The following AUTS2 variants were observed in gnomAD, a reference collection of about 807,000 sequenced individuals.
AUTS2 encodes autism susceptibility gene 2 protein.
Under a neutral mutation model 112.4 loss-of-function variants are expected in AUTS2, and 17 were observed. That is an observed-to-expected ratio of 0.15 (90% CI 0.10 to 0.23). The LOEUF is 0.23. AUTS2 is among the 10% of genes least tolerant of loss of function. The probability of loss-of-function intolerance (pLI) is 1.00; values close to 1 mark genes in which losing one functional copy is unlikely to be tolerated. For missense variants in AUTS2, 1,510 were observed against 1,701.6 expected (o/e 0.89, Z 1.98); for synonymous variants, 751 against 702.7 (o/e 1.07, Z -1.09).
chr7:70,586,117 C>T (rs1802677121), intron 5 of AUTS2, among the ~76,000 whole-genome samples: 1 of 152,152 alleles, frequency 6.6e-6, no homozygotes, highest in African/African-American at 2.4e-5. Context: ...CCTGCCTCAG[C>T]CTCCCAAAGT....
intron 2 of AUTS2, among the ~76,000 whole-genome samples, chr7:69,938,776 A>G (rs573403059): frequency 1.3e-5 from 2 of 152,326 alleles, no homozygotes; most frequent in African/African-American, 4.8e-5. Context: ...AAAAGAACGT[A>G]GGCTAAGAAA....
intron 4 of AUTS2, among the ~76,000 whole-genome samples, chr7:70,407,999 G>A (rs553316265): frequency 1.7e-4 from 26 of 151,154 alleles, no homozygotes; most frequent in East Asian, 3.9e-4. Context: ...GCTTGCAGTG[G>A]GCCGAGATCG....
At chr7:69,628,059 A>T (rs887427007) in intron 1 of AUTS2, among the ~76,000 whole-genome samples, 9 of 152,210 alleles carry the variant, frequency 5.9e-5, no homozygotes, top group African/African-American at 1.4e-4. Context: ...CCTAATTTAT[A>T]ATGCCTGCAG....
At chr7:69,696,011 G>T (rs752804378) in intron 1 of AUTS2, among the ~76,000 whole-genome samples, 4 of 152,132 alleles carry the variant, frequency 2.6e-5, no homozygotes, top group Non-Finnish European at 5.9e-5. Flanking sequence ...AACGTATTAT[G>T]ATCAGTTTTA....
intron 2 of AUTS2, among the ~76,000 whole-genome samples, chr7:70,064,550 A>G (rs1355677615): frequency 6.6e-6 from 1 of 152,188 alleles, no homozygotes; most frequent in Non-Finnish European, 1.5e-5. Flanking sequence ...CTGAGGGCCA[A>G]GGTCTAGGTT....
intron 2 of AUTS2, among the ~76,000 whole-genome samples, chr7:70,047,323 C>T (rs1801550001): frequency 6.6e-6 from 1 of 152,140 alleles, no homozygotes; most frequent in Non-Finnish European, 1.5e-5. Flanking sequence ...GTATTCCAGG[C>T]AGAATGCTAA....
At chr7:69,847,491 G>T (rs1407644171) in intron 1 of AUTS2, among the ~76,000 whole-genome samples, 1 of 152,144 alleles carries the variant, frequency 6.6e-6, no homozygotes, top group African/African-American at 2.4e-5. Context: ...CTTTAAAACA[G>T]GATTCATCTC....
chr7:70,516,867 AT>A (rs1208102331), intron 5 of AUTS2, among the ~76,000 whole-genome samples: 2 of 152,176 alleles, frequency 1.3e-5, no homozygotes, highest in South Asian at 2.1e-4. Context: ...GCAACTTCAT[AT>A]GGTTCAACCC....
chr7:69,789,111 G>A (rs1789503836), intron 1 of AUTS2, among the ~76,000 whole-genome samples: 1 of 152,142 alleles, frequency 6.6e-6, no homozygotes, highest in South Asian at 2.1e-4. Flanking sequence ...CCTAGTGTGG[G>A]TGACTTTTTG....
chr7:69,868,608 G>A (rs949046351), intron 1 of AUTS2, among the ~76,000 whole-genome samples: 10 of 152,122 alleles, frequency 6.6e-5, no homozygotes, highest in African/African-American at 2.4e-4. Context: ...AAATGATTCT[G>A]CAATATTTGT....
intron 4 of AUTS2, among the ~76,000 whole-genome samples, chr7:70,319,856 G>A (rs1554365872): frequency 1.3e-5 from 2 of 152,050 alleles, no homozygotes; most frequent in Non-Finnish European, 2.9e-5. Context: ...TTACCCTTAT[G>A]AAGCTTACAT....
chr7:69,870,448 AATATAT>A (rs11467258), intron 1 of AUTS2, among the ~76,000 whole-genome samples: 9 of 78,964 alleles, frequency 1.1e-4, no homozygotes, highest in African/African-American at 2.2e-4. Flanking sequence ...ATGTGTGTGT[AATATAT>A]ATATATATAT....
In AUTS2 at chr7:70,792,622, T is replaced by C. The variant is rs1351571981; in HGVS notation, c.*1626T>C. On this transcript the variant is annotated 3_prime_UTR_variant, in exon 19 of 19. Transcript: ENST00000342771. ...CTCCAGATGTTGTGCGGTGTTTTTTTTTTTTTTTAAGACAACAACTAAAAA... is the reference window on the plus strand; with the variant it reads ...CTCCAGATGTTGTGCGGTGTTTTTTCTTTTTTTTAAGACAACAACTAAAAA... The C allele has an allele frequency of 8.1e-6, 1 of 124,116 alleles. No individual in the cohort carries two copies. The highest frequency in any genetic ancestry group is 2.9e-5 in the African/African-American group (1 of 34,210). 7.7% of individuals were successfully genotyped at this position (124,116 alleles called of 1,614,324 possible).
intron 4 of AUTS2, among the ~76,000 whole-genome samples, chr7:70,227,991 C>G (rs1006440418): frequency 6.6e-6 from 1 of 151,712 alleles, no homozygotes; most frequent in Non-Finnish European, 1.5e-5. Flanking sequence ...ATCTAGGTGT[C>G]CTGTTTATTA....
chr7:70,421,655 C>T (rs1031216983), intron 4 of AUTS2, among the ~76,000 whole-genome samples: 2 of 152,190 alleles, frequency 1.3e-5, no homozygotes, highest in African/African-American at 2.4e-5. Flanking sequence ...AGGAGTCACT[C>T]GGGGAGACTG....
intron 5 of AUTS2, among the ~76,000 whole-genome samples, chr7:70,613,619 C>T (rs181906391): frequency 6.6e-6 from 1 of 152,110 alleles, no homozygotes; most frequent in East Asian, 1.9e-4. Flanking sequence ...CAGGGATGGA[C>T]AGAAGAAGGA....
chr7:70,106,943 T>C (rs1422199789), intron 2 of AUTS2, among the ~76,000 whole-genome samples: 3 of 151,762 alleles, frequency 2.0e-5, no homozygotes, highest in Non-Finnish European at 2.9e-5. Flanking sequence ...GTAAAATAAA[T>C]AGGATTTTTA....
chr7:69,999,689 C>G (rs1799099944), intron 2 of AUTS2, among the ~76,000 whole-genome samples: 1 of 151,754 alleles, frequency 6.6e-6, no homozygotes, highest in Non-Finnish European at 1.5e-5. Flanking sequence ...CAAAAAAGCC[C>G]AAAAGGAACC....
intron 6 of AUTS2, among the ~76,000 whole-genome samples, chr7:70,726,164 A>G (rs1787017363): frequency 6.6e-6 from 1 of 152,164 alleles, no homozygotes; most frequent in Non-Finnish European, 1.5e-5. Context: ...TAAGAAGAGA[A>G]TAGAAAGATG....
Sources: gnomAD v4.1 joint callset for allele counts (sites outside exome capture counted in the v4.1 genomes callset) on GRCh38, gnomAD v4.1.1 for gene constraint, MANE v1.5 for transcripts, NCBI Gene and HGNC (gene_info 2026-07-23, HGNC 2026-07-21) for gene names.